The following PLXNA2 variants were observed in gnomAD, a reference collection of about 807,000 sequenced individuals.
PLXNA2 encodes the protein plexin A2.
In PLXNA2, 91 loss-of-function variants were observed where a neutral mutation model predicts 193.5. The ratio of observed to expected loss-of-function variants is 0.47; its 90% CI spans 0.40 to 0.56. PLXNA2 has a LOEUF of 0.56. Ranked by LOEUF, PLXNA2 falls within the 20% of genes least tolerant of loss-of-function variation. PLXNA2 has a pLI of 0.00. For synonymous variants in PLXNA2, 997 were observed against 1,027.3 expected (o/e 0.97, Z 0.56); for missense variants, 1,995 against 2,503.2 (o/e 0.80, Z 4.33).
chr1:208,102,305 A>T (rs1027539685), intron 5 of PLXNA2, among the ~76,000 whole-genome samples: 3 of 152,214 alleles, frequency 2.0e-5, no homozygotes, highest in Admixed American at 6.5e-5. Context: ...TTTCATGGAG[A>T]TGCTTTGCTA....
intron 2 of PLXNA2, among the ~76,000 whole-genome samples, chr1:208,212,059 C>T (rs1347118217): frequency 6.6e-6 from 1 of 152,200 alleles, no homozygotes; most frequent in Non-Finnish European, 1.5e-5. Context: ...GCCCCGCATC[C>T]TGTGGCAGCT....
At chr1:208,194,166 G>A (rs190428362) in intron 3 of PLXNA2, among the ~76,000 whole-genome samples, 35 of 151,884 alleles carry the variant, frequency 2.3e-4, no homozygotes, top group African/African-American at 6.5e-4. Context: ...CCCCTGGTAT[G>A]TTGTGCTCAG....
chr1:208,127,856 C>T (rs537073608), intron 4 of PLXNA2, among the ~76,000 whole-genome samples: 1 of 152,314 alleles, frequency 6.6e-6, no homozygotes, highest in South Asian at 2.1e-4. Flanking sequence ...AGTAGAAATC[C>T]CCCCTGGCGG....
chr1:208,079,580 C>G, intron 11 of PLXNA2, 130 bp from the exon 12 acceptor site: 2 of 671,730 alleles, frequency 3.0e-6, no homozygotes, highest in Non-Finnish European at 5.0e-6. Flanking sequence ...TCATCATTAT[C>G]ATTGCAAGAA....
At chr1:208,094,044 A>C (rs1416008871) in intron 8 of PLXNA2, among the ~76,000 whole-genome samples, 1 of 152,164 alleles carries the variant, frequency 6.6e-6, no homozygotes, top group Non-Finnish European at 1.5e-5. Flanking sequence ...GCCCATTTAC[A>C]CTTCATCTTC....
chr1:208,202,403 A>T (rs1670579660), intron 3 of PLXNA2, among the ~76,000 whole-genome samples: 1 of 152,212 alleles, frequency 6.6e-6, no homozygotes, highest in South Asian at 2.1e-4. Context: ...CTGTAATCTT[A>T]TGATGCCGGT....
At chr1:208,039,402 C>T (rs1664783820) in intron 24 of PLXNA2, among the ~76,000 whole-genome samples, 1 of 151,882 alleles carries the variant, frequency 6.6e-6, no homozygotes, top group South Asian at 2.1e-4. Context: ...TTTTTTCTCC[C>T]CCAATATTAT....
intron 12 of PLXNA2, among the ~76,000 whole-genome samples, chr1:208,067,239 G>A (rs12729272): frequency 0.19 from 28,169 of 151,666 alleles, 3,559 homozygotes; most frequent in Non-Finnish European, 0.28. Flanking sequence ...AGCTACTCGG[G>A]AGGCTGAGGC....
rs984201930 is a variant in PLXNA2, at chr1:208,023,960, G to C, written c.*3283C>G. The C allele has an allele frequency of 2.6e-5, 4 of 152,304 alleles. No homozygotes were observed. Among genetic ancestry groups the C allele is most frequent in the African/African-American group, 9.6e-5 (4 of 41,460 alleles). 9.4% of individuals were successfully genotyped at this position (152,304 alleles called of 1,614,324 possible). A position where few individuals can be genotyped will look rare whatever the true frequency, so the allele number is the denominator to read the frequency against. On this transcript the variant is annotated 3_prime_UTR_variant, in exon 32 of 32. Coordinates refer to ENST00000367033, the MANE Select transcript of PLXNA2 (RefSeq NM_025179.4). ...CCTCTGCCAATGGGGGATCAAAATG[G>C]TTTTGAGAGCCCTGCTGTGGAGAGA...
At chr1:208,105,529 A>C (rs1309319498) in intron 4 of PLXNA2, among the ~76,000 whole-genome samples, 1 of 152,042 alleles carries the variant, frequency 6.6e-6, no homozygotes, top group Admixed American at 6.5e-5. Flanking sequence ...GTCCTGTACA[A>C]CTCTACAGTT....
At position 208,124,467 on chromosome 1, in the gene PLXNA2, T is replaced by C. The variant is rs568522905; in HGVS notation, c.1506+17862A>G. Among the ~76,000 whole-genome samples, 543 of 151,400 alleles carry C rather than the reference T, an allele frequency of 3.6e-3. 3 individuals are homozygous for C. Among genetic ancestry groups the C allele is most frequent in the African/African-American group, 0.013 (518 of 41,296 alleles). On this transcript the variant is annotated intron_variant, in intron 4 of 31. Transcript: ENST00000367033. ...GCCGAAGCGGGCAGATCACCTGAGGTCAGGAGTTCAAGGCCAGCCTGGCCA... is the reference window on the plus strand; with the variant it reads ...GCCGAAGCGGGCAGATCACCTGAGGCCAGGAGTTCAAGGCCAGCCTGGCCA...
intron 2 of PLXNA2, among the ~76,000 whole-genome samples, chr1:208,214,112 T>C (rs1671049452): frequency 6.6e-6 from 1 of 150,412 alleles, no homozygotes; most frequent in African/African-American, 2.4e-5. Flanking sequence ...CCAGTGGCCA[T>C]AAAATTTTGG....
chr1:208,140,596 T>A (rs1668432005), intron 4 of PLXNA2, among the ~76,000 whole-genome samples: 1 of 152,236 alleles, frequency 6.6e-6, no homozygotes, highest in African/African-American at 2.4e-5. Context: ...CTTTTTTCTG[T>A]ATCTATATCT....
intron 3 of PLXNA2, among the ~76,000 whole-genome samples, chr1:208,206,044 C>T (rs1012138465): frequency 1.3e-5 from 2 of 152,260 alleles, no homozygotes; most frequent in South Asian, 4.1e-4. Context: ...TAGCACCTAC[C>T]TCATAGAGTT....
intron 23 of PLXNA2, 29 bp downstream of exon 23, chr1:208,039,963 G>T (rs137999984): frequency 0.013 from 21,156 of 1,609,568 alleles, 324 homozygotes; most frequent in Middle Eastern, 0.062. Flanking sequence ...TGCCCTGGAC[G>T]CTAGGCCCCG....
intron 3 of PLXNA2, among the ~76,000 whole-genome samples, chr1:208,177,958 G>T (rs574337421): frequency 6.6e-6 from 1 of 152,330 alleles, no homozygotes; most frequent in East Asian, 1.9e-4. Flanking sequence ...TGCACCTGGA[G>T]ATTTCAAACC....
intron 6 of PLXNA2, among the ~76,000 whole-genome samples, chr1:208,097,396 G>C (rs1484925455): frequency 6.6e-6 from 1 of 152,166 alleles, no homozygotes; most frequent in African/African-American, 2.4e-5. Flanking sequence ...GCTTCTAAAG[G>C]CTGCGTGTTC....
intron 1 of PLXNA2, among the ~76,000 whole-genome samples, chr1:208,235,791 C>G (rs1259257413): frequency 6.6e-6 from 1 of 152,188 alleles, no homozygotes; most frequent in African/African-American, 2.4e-5. Context: ...GCTCCCCATG[C>G]AGTTCAGATC....
intron 3 of PLXNA2, among the ~76,000 whole-genome samples, chr1:208,186,708 A>ATTTTGTTTTTTGTTTTTTGTGTT (rs368056918): frequency 9.0e-6 from 1 of 111,698 alleles, no homozygotes; most frequent in African/African-American, 3.0e-5. Flanking sequence ...TTGCAATGTT[A>ATTTTGTTTTTTGTTTTTTGTGTT]TTTTATTTTT....
Sources: allele counts gnomAD v4.1 joint callset (sites outside exome capture counted in the v4.1 genomes callset), GRCh38; gene constraint gnomAD v4.1.1; transcripts MANE v1.5; gene names NCBI Gene and HGNC (gene_info 2026-07-23, HGNC 2026-07-21).